Variants in MGAT4C observed in about 807,000 individuals in gnomAD.
MGAT4C encodes MGAT4 family member C.
A neutral mutation model predicts 40.1 loss-of-function variants in MGAT4C; 19 were observed. The ratio of observed to expected loss-of-function variants is 0.47; its 90% CI spans 0.33 to 0.70. The LOEUF is 0.70. Among genes scored for constraint, MGAT4C ranks in the 30% least tolerant of loss-of-function variants. The pLI is 0.02. For missense variants in MGAT4C, 491 were observed against 563.2 expected (o/e 0.87, Z 1.30); for synonymous variants, 181 against 187.1 (o/e 0.97, Z 0.27).
intron 1 of MGAT4C, among the ~76,000 whole-genome samples, chr12:86,255,651 C>A (rs1203530346): frequency 6.6e-6 from 1 of 152,048 alleles, no homozygotes; most frequent in Non-Finnish European, 1.5e-5. Context: ...TACATCCATT[C>A]TTAAAATTTT....
chr12:86,589,340 A>G (rs1297395870), intron 2 of MGAT4C, among the ~76,000 whole-genome samples: 1 of 152,092 alleles, frequency 6.6e-6, no homozygotes, highest in Non-Finnish European at 1.5e-5. Flanking sequence ...ACACTCTCCC[A>G]AGACTAAACC....
chr12:86,534,589 A>G (rs1211718745), intron 2 of MGAT4C, among the ~76,000 whole-genome samples: 2 of 152,180 alleles, frequency 1.3e-5, no homozygotes, highest in African/African-American at 4.8e-5. Flanking sequence ...CCATATATTT[A>G]TGAAGTAGAT....
At chr12:86,633,339 A>T (rs1260388102) in intron 2 of MGAT4C, among the ~76,000 whole-genome samples, 1 of 152,070 alleles carries the variant, frequency 6.6e-6, no homozygotes. Context: ...CATTTTTGTC[A>T]TTTAGGTATC....
chr12:86,484,650 T>C (rs1204292542), intron 2 of MGAT4C, among the ~76,000 whole-genome samples: 3 of 152,154 alleles, frequency 2.0e-5, no homozygotes, highest in African/African-American at 4.8e-5. Context: ...GTGAGAAATG[T>C]GGGTTTGTGG....
rs186578741 is a variant in MGAT4C, at chr12:86,624,989, G to T, written c.-229+102220C>A. On this transcript the variant is annotated intron_variant, in intron 2 of 7. Coordinates refer to the MGAT4C transcript ENST00000548651. ...TGTCCAGGGAGGGATCTGGTGGGAG[G>T]TGACTGGATCATGAGGGCGGTTTTC... 8.5e-3 allele frequency among the ~76,000 whole-genome samples: 1,293 copies of T among 152,106 alleles called. 7 individuals are homozygous for T. Among genetic ancestry groups the T allele is most frequent in the Non-Finnish European group, 0.014 (953 of 67,986 alleles).
intron 4 of MGAT4C, among the ~76,000 whole-genome samples, chr12:86,296,389 G>GTGCCAGCTGCCTGCCAGTCCCA (rs1410211016): frequency 6.6e-6 from 1 of 152,186 alleles, no homozygotes; most frequent in Admixed American, 6.5e-5. Flanking sequence ...TGCCAGTCCC[G>GTGCCAGCTGCCTGCCAGTCCCA]TGCCATGCGC....
At chr12:86,718,167 G>T (rs1322657115) in intron 2 of MGAT4C, among the ~76,000 whole-genome samples, 2 of 152,164 alleles carry the variant, frequency 1.3e-5, no homozygotes, top group African/African-American at 4.8e-5. Context: ...TAACACCATT[G>T]TTGAGAAACC....
intron 3 of MGAT4C, among the ~76,000 whole-genome samples, chr12:85,987,874 A>T (rs1885430105): frequency 6.6e-6 from 1 of 152,198 alleles, no homozygotes; most frequent in Non-Finnish European, 1.5e-5. Flanking sequence ...GATTTACAAG[A>T]TTTTATTTAC....
At chr12:86,779,015 A>ATT (rs1565984436) in intron 1 of MGAT4C, among the ~76,000 whole-genome samples, 1 of 150,430 alleles carries the variant, frequency 6.6e-6, no homozygotes, top group African/African-American at 2.4e-5. Flanking sequence ...TTTCACTAAA[A>ATT]AAAAAAAAAC....
At chr12:86,105,659 A>T (rs1046778905) in intron 1 of MGAT4C, among the ~76,000 whole-genome samples, 1 of 152,128 alleles carries the variant, frequency 6.6e-6, no homozygotes, top group Non-Finnish European at 1.5e-5. Flanking sequence ...AAACATTATT[A>T]GCCACACACA....
At chr12:86,195,044 T>A (rs911446398) in intron 1 of MGAT4C, among the ~76,000 whole-genome samples, 4 of 152,238 alleles carry the variant, frequency 2.6e-5, no homozygotes, top group African/African-American at 7.2e-5. Flanking sequence ...GCACTCCTCT[T>A]GCTTTCTGGG....
intron 2 of MGAT4C, among the ~76,000 whole-genome samples, chr12:86,604,556 A>G (rs1287526494): frequency 6.6e-6 from 1 of 152,114 alleles, no homozygotes; most frequent in Admixed American, 6.5e-5. Context: ...ATTCCCCTCT[A>G]TCCAAATGTA....
At chr12:86,565,039 T>A (rs1284804729) in intron 2 of MGAT4C, among the ~76,000 whole-genome samples, 1 of 152,152 alleles carries the variant, frequency 6.6e-6, no homozygotes, top group East Asian at 1.9e-4. Context: ...ATAACTACTC[T>A]CTTCTTGAGA....
intron 2 of MGAT4C, among the ~76,000 whole-genome samples, chr12:86,611,130 T>C (rs561760703): frequency 1.3e-5 from 2 of 152,062 alleles, no homozygotes; most frequent in Non-Finnish European, 1.5e-5. Context: ...TATTTGCTGA[T>C]GAAGGGATAT....
intron 2 of MGAT4C, among the ~76,000 whole-genome samples, chr12:86,461,616 C>G (rs1295690556): frequency 6.6e-6 from 1 of 152,086 alleles, no homozygotes; most frequent in Admixed American, 6.5e-5. Flanking sequence ...TGGGCTTCTA[C>G]ATTTCAATAG....
intron 2 of MGAT4C, among the ~76,000 whole-genome samples, chr12:86,015,079 G>C (rs1443509630): frequency 1.3e-5 from 2 of 150,814 alleles, no homozygotes; most frequent in East Asian, 3.9e-4. Context: ...GAAGTGCTGG[G>C]ATTACAGGTG....
intron 1 of MGAT4C, among the ~76,000 whole-genome samples, chr12:86,092,629 T>C (rs901690801): frequency 4.6e-5 from 7 of 152,170 alleles, no homozygotes; most frequent in African/African-American, 1.4e-4. Flanking sequence ...ACTCTGTTTT[T>C]CATTTATTTC....
In MGAT4C at chr12:86,725,493, C is replaced by T. The variant is rs373763720; in HGVS notation, c.-229+1716G>A. Reference sequence around the variant, plus strand: ...TTTTTTTGGTAGAGACCGAGACCTTCTCTGTCACCCAGGCAGGGAGTATAG... The same window carrying T: ...TTTTTTTGGTAGAGACCGAGACCTTTTCTGTCACCCAGGCAGGGAGTATAG... On this transcript the variant is annotated intron_variant, in intron 2 of 7. Transcript: ENST00000548651. Among the ~76,000 whole-genome samples the T allele has an allele frequency of 1.1e-4, 16 of 152,116 alleles. No individual in the cohort carries two copies. In the East Asian group the frequency reaches 1.6e-3, roughly 15 times the overall value.
intron 1 of MGAT4C, among the ~76,000 whole-genome samples, chr12:86,200,127 G>GT (rs56844963): frequency 0.11 from 10,859 of 100,336 alleles, 709 homozygotes; most frequent in African/African-American, 0.21. Context: ...GTATGTATTT[G>GT]TTTTTTTTTT....
Sources: gnomAD v4.1 joint callset for allele counts (sites outside exome capture counted in the v4.1 genomes callset) on GRCh38, gnomAD v4.1.1 for gene constraint, MANE v1.5 for transcripts, NCBI Gene and HGNC (gene_info 2026-07-23, HGNC 2026-07-21) for gene names.